MBD5: variants seen among roughly 807,000 people sequenced by gnomAD.
MBD5 encodes methyl-CpG-binding domain protein 5.
A neutral mutation model predicts 117.3 loss-of-function variants in MBD5; 13 were observed. The ratio of observed to expected loss-of-function variants is 0.11; its 90% CI spans 0.07 to 0.18. MBD5 has a LOEUF of 0.18. Ranked by LOEUF, MBD5 falls within the 10% of genes least tolerant of loss-of-function variation. MBD5 has a pLI of 1.00. For missense variants in MBD5, 1,879 were observed against 2,093.8 expected (o/e 0.90, Z 2.00); for synonymous variants, 727 against 766.4 (o/e 0.95, Z 0.85).
chr2:148,293,147 C>CAAA lies in MBD5; in HGVS notation c.-679-49045_-679-49043dup, dbSNP rs35179123. ...TGAGCAACGTAGTGAAACCTTGCCT[C>CAAA]AAAAAAAAAAAAAAAAAAAAAAAAT... On this transcript the variant is annotated intron_variant, in intron 3 of 13. Coordinates refer to ENST00000642680, the MANE Select transcript of MBD5 (RefSeq NM_001378120.1). 7.5e-4 allele frequency among the ~76,000 whole-genome samples: 64 copies of CAAA among 84,888 alleles called. 1 individual carries two copies. Among genetic ancestry groups the CAAA allele is most frequent in the Middle Eastern group, 7.5e-3 (1 of 134 alleles). 55.7% of individuals were successfully genotyped at this position (84,888 alleles called of 152,430 possible). A position where few individuals can be genotyped will look rare whatever the true frequency, so the allele number is the denominator to read the frequency against.
intron 4 of MBD5, among the ~76,000 whole-genome samples, chr2:148,365,766 T>C (rs1703679669): frequency 6.6e-6 from 1 of 151,796 alleles, no homozygotes; most frequent in African/African-American, 2.4e-5. Flanking sequence ...CACCCTCCCA[T>C]GACTAAGCTA....
chr2:148,272,204 G>T (rs963777126), intron 3 of MBD5, among the ~76,000 whole-genome samples: 6 of 152,134 alleles, frequency 3.9e-5, no homozygotes. Flanking sequence ...GGACACTGAG[G>T]TTGATTCCAT....
chr2:148,076,167 A>C (rs1389885567), intron 1 of MBD5, among the ~76,000 whole-genome samples: 1 of 127,478 alleles, frequency 7.8e-6, no homozygotes, highest in African/African-American at 3.1e-5. Context: ...TTGAAAACTC[A>C]AAGTCGTCGT....
intron 4 of MBD5, among the ~76,000 whole-genome samples, chr2:148,385,335 T>G (rs1250118902): frequency 6.6e-6 from 1 of 152,200 alleles, no homozygotes; most frequent in African/African-American, 2.4e-5. Context: ...AAGACATTCA[T>G]GCAGCCAAAA....
At chr2:148,493,810 G>A (rs1681604227) in intron 11 of MBD5, among the ~76,000 whole-genome samples, 1 of 152,148 alleles carries the variant, frequency 6.6e-6, no homozygotes. Context: ...ATGGTTTTTA[G>A]ACATCGAATA....
At chr2:148,276,139 C>G (rs1467227958) in intron 3 of MBD5, among the ~76,000 whole-genome samples, 1 of 152,030 alleles carries the variant, frequency 6.6e-6, no homozygotes, top group Non-Finnish European at 1.5e-5. Flanking sequence ...AAGCAAGACC[C>G]TGTCTCTACC....
chr2:148,021,923 A>G (rs1417867688), intron 1 of MBD5: 2 of 155,056 alleles, frequency 1.3e-5, no homozygotes, highest in Non-Finnish European at 2.9e-5. Context: ...TCTCTCCTCC[A>G]TCTAACATCT....
chr2:148,497,102 G>A lies in MBD5; in HGVS notation c.4963-5334G>A, dbSNP rs1203960021. Reference sequence around the variant, plus strand: ...TACTATTTAATAAATGTTTGATAATGAACCTAATAAATGCCTCATATTTGC... The same window carrying A: ...TACTATTTAATAAATGTTTGATAATAAACCTAATAAATGCCTCATATTTGC... On this transcript the variant is annotated intron_variant, in intron 11 of 13. Coordinates refer to ENST00000642680, the MANE Select transcript of MBD5 (RefSeq NM_001378120.1). Among the ~76,000 whole-genome samples, 3 of 151,556 alleles carry A rather than the reference G, an allele frequency of 2.0e-5. No individual in the cohort carries two copies. In the East Asian group the frequency reaches 5.8e-4, roughly 29 times the overall value.
chr2:148,237,697 C>A (rs1310271154), intron 3 of MBD5, among the ~76,000 whole-genome samples: 1 of 152,110 alleles, frequency 6.6e-6, no homozygotes, highest in Non-Finnish European at 1.5e-5. Flanking sequence ...ATGAAGTGAG[C>A]ACATGCTGTG....
intron 1 of MBD5, among the ~76,000 whole-genome samples, chr2:148,149,601 G>A (rs1697581666): frequency 6.6e-6 from 1 of 151,668 alleles, no homozygotes; most frequent in African/African-American, 2.4e-5. Context: ...ACCAGCACCT[G>A]TTGTTTCCTG....
chr2:148,230,320 C>A (rs1473881792), intron 2 of MBD5, among the ~76,000 whole-genome samples: 2 of 152,190 alleles, frequency 1.3e-5, no homozygotes, highest in African/African-American at 4.8e-5. Flanking sequence ...GAGCCTCACC[C>A]TATGGCTACC....
At chr2:148,238,101 A>G (rs532951381) in intron 3 of MBD5, among the ~76,000 whole-genome samples, 1 of 152,326 alleles carries the variant, frequency 6.6e-6, no homozygotes, top group African/African-American at 2.4e-5. Flanking sequence ...AGCAAGCTCA[A>G]TTCTTAAAAA....
chr2:148,168,126 C>G (rs1326377680), intron 1 of MBD5, among the ~76,000 whole-genome samples: 1 of 152,082 alleles, frequency 6.6e-6, no homozygotes, highest in Non-Finnish European at 1.5e-5. Flanking sequence ...TAGTTCTATT[C>G]ATCTAATTTG....
At chr2:148,172,280 C>G (rs1423081240) in intron 1 of MBD5, among the ~76,000 whole-genome samples, 1 of 152,234 alleles carries the variant, frequency 6.6e-6, no homozygotes, top group Non-Finnish European at 1.5e-5. Context: ...CCCCTGCAGG[C>G]TCCAAGACAC....
At chr2:148,146,020 A>G (rs1271551920) in intron 1 of MBD5, among the ~76,000 whole-genome samples, 2 of 152,148 alleles carry the variant, frequency 1.3e-5, no homozygotes, top group African/African-American at 4.8e-5. Flanking sequence ...TTCCTTCTAA[A>G]ATCAATTCTA....
At chr2:148,193,057 A>C (rs1318340897) in intron 2 of MBD5, among the ~76,000 whole-genome samples, 1 of 112,202 alleles carries the variant, frequency 8.9e-6, no homozygotes, top group Non-Finnish European at 1.9e-5. Context: ...TACAAGGGAC[A>C]TGAAGGACCT....
chr2:148,154,640 CT>C (rs879226275), intron 1 of MBD5, among the ~76,000 whole-genome samples: 5 of 152,146 alleles, frequency 3.3e-5, no homozygotes, highest in Non-Finnish European at 7.3e-5. Flanking sequence ...CATGGTGTGC[CT>C]TTTTTTAAGC....
chr2:148,294,518 T>TTTTTTTTTTTTGTTTGTTTTATTTC (rs1574250984), intron 3 of MBD5, among the ~76,000 whole-genome samples: 1 of 146,316 alleles, frequency 6.8e-6, no homozygotes, highest in Non-Finnish European at 1.5e-5. Context: ...TTTTTTTTTT[T>TTTTTTTTTTTTGTTTGTTTTATTTC]TTTGAGATAG....
intron 1 of MBD5, among the ~76,000 whole-genome samples, chr2:148,093,686 TAAC>T (rs1363004167): frequency 1.3e-5 from 2 of 152,148 alleles, no homozygotes; most frequent in African/African-American, 4.8e-5. Flanking sequence ...TTATTATTCT[TAAC>T]TATATTAGTG....
Sources: allele counts gnomAD v4.1 joint callset (sites outside exome capture counted in the v4.1 genomes callset), GRCh38; gene constraint gnomAD v4.1.1; transcripts MANE v1.5; gene names NCBI Gene and HGNC (gene_info 2026-07-23, HGNC 2026-07-21).